Variants in CPEB1 observed in about 807,000 individuals in gnomAD.
CPEB1 encodes the protein cytoplasmic polyadenylation element binding protein 1.
In CPEB1, 7 loss-of-function variants were observed where a neutral mutation model predicts 65.8. The ratio of observed to expected loss-of-function variants is 0.11; its 90% confidence interval spans 0.06 to 0.20. The LOEUF (loss-of-function observed/expected upper bound fraction) is 0.20, where lower values mean the gene tolerates loss of function less well. Ranked by LOEUF, CPEB1 falls within the 10% of genes least tolerant of loss-of-function variation. CPEB1 has a pLI of 1.00. For missense variants in CPEB1, 551 were observed against 712.2 expected (o/e 0.77, Z 2.58); for synonymous variants, 262 against 260.0 (o/e 1.01, Z -0.08).
intron 1 of CPEB1, among the ~76,000 whole-genome samples, chr15:82,642,343 G>A (rs1010440824): frequency 6.6e-6 from 1 of 152,132 alleles, no homozygotes. Context: ...GGCTTGAGCC[G>A]AGGATAAGCC....
chr15:82,573,192 C>G lies in CPEB1; in HGVS notation c.272-1660G>C, dbSNP rs538075032. 7.2e-6 allele frequency: 11 copies of G among 1,523,604 alleles called. No individual in the cohort carries two copies. In the South Asian group the frequency reaches 1.3e-4, roughly 18 times the overall value. The allele number at this position is 1,523,604 out of a possible 1,614,324, so 94.4% of individuals were successfully genotyped here. A position where few individuals can be genotyped will look rare whatever the true frequency, so the allele number is the denominator to read the frequency against. ...CACCCTGTGTCCACAGGCACTCAGG[C>G]ATAGCCTAGAAGGGAAAATTATCAG... On this transcript the variant is annotated intron_variant, in intron 3 of 12. Coordinates refer to ENST00000684509, the MANE Select transcript of CPEB1 (RefSeq NM_001365242.1).
intron 1 of CPEB1, chr15:82,629,742 A>G: frequency 1.0e-6 from 1 of 985,210 alleles, no homozygotes; most frequent in African/African-American, 1.7e-5. Context: ...TTAATATCTC[A>G]TAAGCTGGTC....
intron 3 of CPEB1, among the ~76,000 whole-genome samples, chr15:82,605,104 G>C (rs933678373): frequency 6.6e-6 from 1 of 152,304 alleles, no homozygotes; most frequent in East Asian, 1.9e-4. Flanking sequence ...TACTGAGGGA[G>C]TTAAAAGAAG....
intron 1 of CPEB1, among the ~76,000 whole-genome samples, chr15:82,646,279 T>C (rs2047511768): frequency 6.6e-6 from 1 of 152,202 alleles, no homozygotes; most frequent in African/African-American, 2.4e-5. Flanking sequence ...GGTGCACCTG[T>C]GCCTTCCAGA....
chr15:82,628,187 C>G (rs967465790), intron 2 of CPEB1, 177 bp downstream of exon 2: 2 of 701,680 alleles, frequency 2.9e-6, no homozygotes, highest in Non-Finnish European at 5.2e-6. Context: ...AGCCATCATG[C>G]CCAAAATAAT....
chr15:82,647,958 G>T, upstream of CPEB1: 1 of 1,060,602 alleles, frequency 9.4e-7, no homozygotes, highest in Non-Finnish European at 1.2e-6. Context: ...TATTTTTGCA[G>T]CGGGCCGCGC....
intron 3 of CPEB1, among the ~76,000 whole-genome samples, chr15:82,611,928 A>G (rs1447109569): frequency 2.6e-5 from 4 of 152,014 alleles, no homozygotes; most frequent in East Asian, 1.9e-4. Context: ...AAGCAAACGT[A>G]ATGTTAAGAA....
At chr15:82,555,626 T>C (rs977973632) in intron 6 of CPEB1, among the ~76,000 whole-genome samples, 1 of 152,204 alleles carries the variant, frequency 6.6e-6, no homozygotes, top group Non-Finnish European at 1.5e-5. Flanking sequence ...AGCCAGCTCC[T>C]TGTGCTGTGG....
At chr15:82,628,218 T>A (rs1307901601) in intron 2 of CPEB1, 146 bp downstream of exon 2, 4 of 702,630 alleles carry the variant, frequency 5.7e-6, no homozygotes, top group Non-Finnish European at 2.6e-6. Flanking sequence ...TTAAAAAAAC[T>A]GTTTCCAGAT....
intron 2 of CPEB1, among the ~76,000 whole-genome samples, chr15:82,627,673 T>A (rs1475323183): frequency 6.6e-6 from 1 of 152,178 alleles, no homozygotes; most frequent in Non-Finnish European, 1.5e-5. Context: ...TAGTCAGGTT[T>A]ATGATTAGGA....
At chr15:82,546,311 T>C (rs965119927) in intron 12 of CPEB1, 130 bp downstream of exon 12, 2 of 703,320 alleles carry the variant, frequency 2.8e-6, no homozygotes, top group Non-Finnish European at 5.1e-6. Flanking sequence ...GGTTTCACCA[T>C]GTTGGCCAGG....
At chr15:82,556,544 C>A (rs1322155335) in intron 5 of CPEB1, 1 of 161,250 alleles carries the variant, frequency 6.2e-6, no homozygotes, top group Non-Finnish European at 1.3e-5. Flanking sequence ...TATGAGAGCT[C>A]TGCATTGTAT....
chr15:82,558,265 T>C (rs1391325808), intron 4 of CPEB1, among the ~76,000 whole-genome samples: 1 of 152,206 alleles, frequency 6.6e-6, no homozygotes, highest in Non-Finnish European at 1.5e-5. Flanking sequence ...AAAAGGTCAA[T>C]GCCAGTACTT....
intron 3 of CPEB1, among the ~76,000 whole-genome samples, chr15:82,607,852 G>A (rs1039300608): frequency 2.6e-5 from 4 of 152,128 alleles, no homozygotes; most frequent in African/African-American, 9.7e-5. Context: ...TGACAGAAAT[G>A]ATAGGAGAAA....
intron 3 of CPEB1, among the ~76,000 whole-genome samples, chr15:82,605,828 C>T (rs563527568): frequency 1.3e-5 from 2 of 152,062 alleles, no homozygotes; most frequent in East Asian, 1.9e-4. Context: ...CACCTGAGGT[C>T]GGGAGTTCGA....
chr15:82,586,974 G>T (rs2041854113), intron 3 of CPEB1, among the ~76,000 whole-genome samples: 2 of 152,094 alleles, frequency 1.3e-5, no homozygotes, highest in African/African-American at 4.8e-5. Flanking sequence ...AACAGAGAAG[G>T]AATTGCAATT....
upstream of CPEB1, chr15:82,647,594 G>A (rs1443857712): frequency 1.2e-5 from 4 of 323,618 alleles, no homozygotes; most frequent in Non-Finnish European, 2.2e-5. Context: ...GTGCGGCTCG[G>A]AGGCCCCACC....
intron 4 of CPEB1, among the ~76,000 whole-genome samples, chr15:82,558,661 T>C (rs918670201): frequency 1.3e-5 from 2 of 152,230 alleles, no homozygotes; most frequent in Non-Finnish European, 2.9e-5. Context: ...GAAGCTCACT[T>C]AGCTTCTCTG....
chr15:82,572,599 AAC>A (rs2040192315), intron 3 of CPEB1, among the ~76,000 whole-genome samples: 1 of 152,178 alleles, frequency 6.6e-6, no homozygotes, highest in South Asian at 2.1e-4. Context: ...AGACTGAGGA[AAC>A]ACTCTCGAAG....
Sources: allele counts gnomAD v4.1 joint callset (sites outside exome capture counted in the v4.1 genomes callset), GRCh38; gene constraint gnomAD v4.1.1; transcripts MANE v1.5; gene names NCBI Gene and HGNC (gene_info 2026-07-23, HGNC 2026-07-21).